STIM1: variants seen among roughly 807,000 people sequenced by gnomAD.
STIM1 encodes the protein stromal interaction molecule 1.
A neutral mutation model predicts 74.7 loss-of-function variants in STIM1; 25 were observed. The observed-to-expected ratio is 0.33, with a 90% CI of 0.24 to 0.47. The LOEUF (loss-of-function observed/expected upper bound fraction) is 0.47. Among genes scored for constraint, STIM1 ranks in the 20% least tolerant of loss-of-function variants. STIM1 has a pLI of 1.00. For missense variants in STIM1, 728 were observed against 920.8 expected, an observed-to-expected ratio of 0.79 and a Z score of 2.71; for synonymous variants, 328 against 348.8, an observed-to-expected ratio of 0.94 and a Z score of 0.66.
chr11:4,081,813 AAGT>A (rs2094467101), intron 7 of STIM1, among the ~76,000 whole-genome samples: 1 of 152,214 alleles, frequency 6.6e-6, no homozygotes, highest in Non-Finnish European at 1.5e-5. Flanking sequence ...TGATGTCTTG[AAGT>A]CTAAGCACAG....
chr11:4,082,946 C>A lies in STIM1; in HGVS notation c.1202C>A (p.Ser401Tyr). Reference protein sequence around the residue: ...FGTFHVAHSSSLDDVDHKILT... With the variant: ...FGTFHVAHSSYLDDVDHKILT... ...ACCTTCCACGTGGCCCACAGCTCTT[C>A]CCTGGATGATGTAGATCATAAAATT... The change falls in exon 9 of 13, where the codon TCC (serine) becomes TAC (tyrosine). Residue 401 changes from serine (S) to tyrosine (Y), a missense_variant. Transcript: ENST00000526596. 6.2e-7 allele frequency: 1 copy of A among 1,614,138 alleles called. No homozygotes were observed. Among genetic ancestry groups the A allele is most frequent in the Non-Finnish European group, 8.5e-7 (1 of 1,180,026 alleles).
chr11:3,941,108 T>G (rs1298318216), intron 1 of STIM1, among the ~76,000 whole-genome samples: 1 of 152,208 alleles, frequency 6.6e-6, no homozygotes, highest in Non-Finnish European at 1.5e-5. Context: ...CTTAGAATAG[T>G]ACCTGACACA....
chr11:4,023,356 C>CAAAT (rs1204589358), intron 2 of STIM1, among the ~76,000 whole-genome samples: 1 of 151,968 alleles, frequency 6.6e-6, no homozygotes, highest in East Asian at 1.9e-4. Flanking sequence ...AACAAACAAA[C>CAAAT]AAACAACCAT....
intron 3 of STIM1, among the ~76,000 whole-genome samples, chr11:4,026,505 A>G (rs1590658344): frequency 6.6e-6 from 1 of 152,198 alleles, no homozygotes; most frequent in African/African-American, 2.4e-5. Flanking sequence ...CAGACTTCAC[A>G]AGTTAAGTTC....
intron 7 of STIM1, among the ~76,000 whole-genome samples, chr11:4,080,871 T>A (rs1440673155): frequency 6.6e-6 from 1 of 152,218 alleles, no homozygotes; most frequent in Non-Finnish European, 1.5e-5. Flanking sequence ...TCTTCCCTTC[T>A]TAGCTTATCC....
At chr11:3,990,201 ATGT>A (rs1011839107) in intron 2 of STIM1, among the ~76,000 whole-genome samples, 1 of 152,278 alleles carries the variant, frequency 6.6e-6, no homozygotes, top group African/African-American at 2.4e-5. Flanking sequence ...AGGTGCATTC[ATGT>A]TGTATCAGTA....
intron 1 of STIM1, among the ~76,000 whole-genome samples, 171 bp downstream of exon 1, chr11:3,856,580 G>A (rs1437114700): frequency 6.6e-6 from 1 of 152,232 alleles, no homozygotes; most frequent in Non-Finnish European, 1.5e-5. Context: ...AGTAGTCATG[G>A]CAAATGCCTG....
chr11:3,973,353 G>A (rs1038694530), intron 2 of STIM1: 2 of 431,386 alleles, frequency 4.6e-6, no homozygotes, highest in South Asian at 1.9e-5. Context: ...CTCTTTCTTC[G>A]ACAGGGCATC....
In STIM1 at chr11:4,004,714, A is replaced by T. The variant is rs557264486; in HGVS notation, c.271-19159A>T. Among the ~76,000 whole-genome samples the T allele has an allele frequency of 8.2e-3, 1,248 of 151,816 alleles. 13 individuals carry two copies. The highest frequency in any genetic ancestry group is 0.028 in the African/African-American group (1,174 of 41,472). On this transcript the variant is annotated intron_variant, in intron 2 of 12. Transcript: ENST00000526596. ...GTCTAAAACACCAAAAGCAATGGCA[A>T]CAAAAGCCAAAATTGACAAATGGGA...
chr11:4,076,621 T>G (rs1174570736), intron 7 of STIM1, among the ~76,000 whole-genome samples: 2 of 151,882 alleles, frequency 1.3e-5, no homozygotes, highest in Admixed American at 6.6e-5. Context: ...CTTTTCACAT[T>G]TAGGGATATT....
At chr11:4,066,976 G>A (rs1565165669) in intron 5 of STIM1, among the ~76,000 whole-genome samples, 1 of 152,298 alleles carries the variant, frequency 6.6e-6, no homozygotes, top group South Asian at 2.1e-4. Context: ...ACAGCCTAGG[G>A]CTCTGCGGGA....
At chr11:3,971,352 AC>A (rs2093392119) in intron 2 of STIM1, among the ~76,000 whole-genome samples, 1 of 152,068 alleles carries the variant, frequency 6.6e-6, no homozygotes, top group Non-Finnish European at 1.5e-5. Context: ...ACACGGTGAA[AC>A]CCCGTCTCTA....
chr11:3,863,973 C>T (rs191022692), intron 1 of STIM1, among the ~76,000 whole-genome samples: 18 of 151,846 alleles, frequency 1.2e-4, no homozygotes, highest in South Asian at 4.2e-4. Context: ...TGGTGCTATC[C>T]GCTGGGAGTC....
At chr11:3,896,123 C>A (rs1398505547) in intron 1 of STIM1, among the ~76,000 whole-genome samples, 1 of 151,972 alleles carries the variant, frequency 6.6e-6, no homozygotes, top group African/African-American at 2.4e-5. Flanking sequence ...CCAGGACGGT[C>A]TTGATCTCCT....
At chr11:3,867,267 GT>G (rs2090896414) in intron 1 of STIM1, 1 of 152,098 alleles carries the variant, frequency 6.6e-6, no homozygotes, top group Non-Finnish European at 1.5e-5. Context: ...ATGAGGGATG[GT>G]TTGGCTATTG....
chr11:3,991,963 A>AG (rs2093616291), intron 2 of STIM1, among the ~76,000 whole-genome samples: 1 of 121,122 alleles, frequency 8.3e-6, no homozygotes, highest in South Asian at 2.9e-4. Flanking sequence ...AAAAAAAAAA[A>AG]AAAAAAAAAG....
chr11:4,016,967 A>G (rs924316062), intron 2 of STIM1, among the ~76,000 whole-genome samples: 3 of 152,232 alleles, frequency 2.0e-5, no homozygotes. Context: ...TCCACCAGGT[A>G]GAGTCACTCA....
intron 2 of STIM1, among the ~76,000 whole-genome samples, chr11:4,002,430 AACTC>A (rs1486517566): frequency 6.6e-6 from 1 of 152,208 alleles, no homozygotes; most frequent in East Asian, 1.9e-4. Context: ...AGGATTAAGA[AACTC>A]ACTCAGAACT....
intron 6 of STIM1, among the ~76,000 whole-genome samples, chr11:4,073,854 A>G (rs1030904321): frequency 1.3e-5 from 2 of 151,940 alleles, no homozygotes; most frequent in African/African-American, 4.8e-5. Flanking sequence ...GCATAAATTT[A>G]ATTTGTTTTG....
Sources: allele counts gnomAD v4.1 joint callset (sites outside exome capture counted in the v4.1 genomes callset), GRCh38; gene constraint gnomAD v4.1.1; transcripts MANE v1.5; gene names NCBI Gene and HGNC (gene_info 2026-07-23, HGNC 2026-07-21).